TET3: variants seen among roughly 807,000 people sequenced by gnomAD.
The protein encoded by TET3 is methylcytosine dioxygenase TET3.
In TET3, 19 loss-of-function variants were observed where a neutral mutation model predicts 141.4. That is an observed-to-expected ratio of 0.13 (90% CI 0.09 to 0.20). The LOEUF (loss-of-function observed/expected upper bound fraction) is 0.20. TET3 is among the 10% of genes least tolerant of loss of function. TET3 has a pLI of 1.00. For missense variants in TET3, 1,874 were observed against 2,356.9 expected, an observed-to-expected ratio of 0.80 and a Z score of 4.24; for synonymous variants, 1,043 against 980.9, an observed-to-expected ratio of 1.06 and a Z score of -1.18.
chr2:74,028,533 A>C (rs1034638143), intron 3 of TET3, among the ~76,000 whole-genome samples: 4 of 152,132 alleles, frequency 2.6e-5, no homozygotes, highest in Admixed American at 2.0e-4. Context: ...CAACTGGATA[A>C]CCAGTTGTCC....
At chr2:73,994,856 C>G (rs1009064894) in intron 2 of TET3, among the ~76,000 whole-genome samples, 1 of 151,472 alleles carries the variant, frequency 6.6e-6, no homozygotes, top group African/African-American at 2.4e-5. Flanking sequence ...AGGCTGGTCT[C>G]GAACTCCTGA....
At chr2:74,051,463 G>A (rs1002672563) in intron 4 of TET3, among the ~76,000 whole-genome samples, 4 of 152,216 alleles carry the variant, frequency 2.6e-5, no homozygotes, top group Non-Finnish European at 4.4e-5. Context: ...GTCGGAGTAT[G>A]GATGACCTTT....
At position 74,046,260 on chromosome 2, in the gene TET3, C is replaced by T. The variant is rs746497227; in HGVS notation, c.361-18C>T. 6.8e-7 allele frequency: 1 copy of T among 1,479,582 alleles called. No homozygotes were observed. The highest frequency in any genetic ancestry group is 9.0e-7 in the Non-Finnish European group (1 of 1,115,158). The allele number at this position is 1,479,582 out of a possible 1,614,324, so 91.7% of individuals were successfully genotyped here. ...GTGGTTCATTTTTTTCCTTTTTCCC[C>T]CTTCTCTCTCTCTTTAGACAGGCTC... is the stretch of plus-strand genomic sequence containing the variant. On this transcript the variant is annotated intron_variant, in intron 3 of 11. Transcript: ENST00000409262. The surrounding 1 kb of genome is among the most constrained non-coding windows in gnomAD (Gnocchi z 4.3).
In TET3 at chr2:74,047,955, A is replaced by T; in HGVS notation, c.2038A>T (p.Thr680Ser). The part of the protein sequence containing the change: ...SPSRDSLLPP[T>S]QEMRSPSPMT... ...CTCCAGGGACAGCCTGCTGCCCCCT[A>T]CTCAGGAAATGAGGTCCCCCAGCCC... Residue 680 changes from threonine to serine, a missense_variant, in exon 4 of 12, where the codon ACT becomes TCT. Thr to Ser is a moderately conservative substitution (Grantham distance 58). Around this residue, in one of 10 missense-constraint regions of TET3, gnomAD observed 484 missense variants for 462.2 expected, o/e 1.05. Transcript: ENST00000409262. 2 of 1,612,470 alleles carry T rather than the reference A, an allele frequency of 1.2e-6. No homozygotes were observed. The highest frequency in any genetic ancestry group is 1.7e-6 in the Non-Finnish European group (2 of 1,179,394).
chr2:74,088,145 C>A, intron 7 of TET3, 107 bp downstream of exon 7: 1 of 1,153,002 alleles, frequency 8.7e-7, no homozygotes, highest in Non-Finnish European at 1.2e-6. Flanking sequence ...GCCCTCTCTG[C>A]GGCACTGTTT....
intron 6 of TET3, among the ~76,000 whole-genome samples, chr2:74,084,192 G>T (rs192197510): frequency 1.3e-5 from 2 of 152,352 alleles, no homozygotes; most frequent in African/African-American, 4.8e-5. Context: ...GCATTGCAAA[G>T]TATCCTTTCA....
intron 11 of TET3, 110 bp from the exon 12 acceptor site, chr2:74,100,283 A>T (rs1354104846): frequency 8.3e-7 from 1 of 1,211,374 alleles, no homozygotes; most frequent in East Asian, 2.6e-5. Flanking sequence ...GTCCCAAAAG[A>T]GGAAACATCC....
the TET3 span, among the ~76,000 whole-genome samples, chr2:74,120,463 C>G: frequency 6.6e-6 from 1 of 152,238 alleles, no homozygotes; most frequent in Non-Finnish European, 1.5e-5. Flanking sequence ...GGAACGTGTG[C>G]CTGGGCCGCT....
chr2:73,986,336 C>T lies in TET3; in HGVS notation c.-68C>T. The T allele has an allele frequency of 8.2e-7, 1 of 1,218,392 alleles. No individual in the cohort carries two copies. Among genetic ancestry groups the T allele is most frequent in the Non-Finnish European group, 1.0e-6 (1 of 975,960 alleles). The allele number at this position is 1,218,392 out of a possible 1,614,324, so 75.5% of individuals were successfully genotyped here. On this transcript the variant is annotated 5_prime_UTR_variant, in exon 2 of 12. Coordinates refer to ENST00000409262, the MANE Select transcript of TET3 (RefSeq NM_001287491.2). ...CTAGGCGAGAAGGACCTGTTGGTGG[C>T]CTTTGGAGGTGGCAGGAAACGACTG...
chr2:74,026,128 G>T (rs905375942), intron 3 of TET3, among the ~76,000 whole-genome samples: 1 of 151,954 alleles, frequency 6.6e-6, no homozygotes, highest in African/African-American at 2.4e-5. Flanking sequence ...GTAATACCAG[G>T]CCACAGCATC....
At chr2:74,032,638 G>T (rs1331949616) in intron 3 of TET3, among the ~76,000 whole-genome samples, 1 of 152,076 alleles carries the variant, frequency 6.6e-6, no homozygotes, top group Non-Finnish European at 1.5e-5. Flanking sequence ...GGTTAGGCTC[G>T]ATTTCCTCCC....
At chr2:74,130,264 A>T in the TET3 span, among the ~76,000 whole-genome samples, 1 of 152,280 alleles carries the variant, frequency 6.6e-6, no homozygotes, top group African/African-American at 2.4e-5. Context: ...TACAGAAAAA[A>T]TAAATTACAC....
chr2:74,051,327 T>C lies in TET3; in HGVS notation c.2494+2916T>C, dbSNP rs540948793. On this transcript the variant is annotated intron_variant, in intron 4 of 11. Coordinates refer to ENST00000409262, the MANE Select transcript of TET3 (RefSeq NM_001287491.2). Reference sequence around the variant, plus strand: ...ACTGGGAGCTAACAACACTTTGTATTATTAAATTAGAGGAAAATACTTAGG... The same window carrying C: ...ACTGGGAGCTAACAACACTTTGTATCATTAAATTAGAGGAAAATACTTAGG... Among the ~76,000 whole-genome samples the C allele has an allele frequency of 2.6e-5, 4 of 152,312 alleles. No homozygotes were observed. In the South Asian group the frequency reaches 8.3e-4, roughly 32 times the overall value.
intron 2 of TET3, among the ~76,000 whole-genome samples, chr2:73,990,348 C>T (rs958891460): frequency 3.9e-5 from 6 of 152,184 alleles, no homozygotes; most frequent in African/African-American, 9.7e-5. Context: ...CTGCATACAA[C>T]TCCAGATGCA....
chr2:74,042,151 C>T (rs1048270285), intron 3 of TET3, among the ~76,000 whole-genome samples: 4 of 152,192 alleles, frequency 2.6e-5, no homozygotes, highest in Non-Finnish European at 5.9e-5. Context: ...AGTGGTGAAC[C>T]GGCCCTTTCA....
chr2:74,128,248 T>C, the TET3 span, among the ~76,000 whole-genome samples: 1 of 152,238 alleles, frequency 6.6e-6, no homozygotes, highest in African/African-American at 2.4e-5. Context: ...ATGTTTGGAA[T>C]AGAGTAACTT....
chr2:73,993,643 A>T (rs1684439933), intron 2 of TET3: 1 of 152,088 alleles, frequency 6.6e-6, no homozygotes, highest in African/African-American at 2.4e-5. Context: ...ACCTCTTGAG[A>T]TTTACTGCAT....
the TET3 span, among the ~76,000 whole-genome samples, chr2:74,114,704 A>G: frequency 6.6e-6 from 1 of 151,500 alleles, no homozygotes; most frequent in Non-Finnish European, 1.5e-5. Flanking sequence ...AATACAAAAA[A>G]TTGGCTGGGT....
At chr2:74,120,201 C>T in the TET3 span, among the ~76,000 whole-genome samples, 1 of 152,234 alleles carries the variant, frequency 6.6e-6, no homozygotes, top group Non-Finnish European at 1.5e-5. Context: ...AGGCGCCCGG[C>T]TCCCGGCTCC....
Sources: allele counts gnomAD v4.1 joint callset (sites outside exome capture counted in the v4.1 genomes callset), GRCh38; gene constraint gnomAD v4.1.1; regional missense constraint gnomAD v4.1.1; non-coding constraint Gnocchi (gnomAD v3.1); transcripts MANE v1.5; gene names NCBI Gene and HGNC (gene_info 2026-07-23, HGNC 2026-07-21).